Variants in PGLS observed in about 807,000 individuals in gnomAD.
PGLS encodes 6-phosphogluconolactonase, also known as epididymis secretory protein Li 304.
A neutral mutation model predicts 23.2 loss-of-function variants in PGLS; 21 were observed. The observed-to-expected ratio is 0.91, with a 90% CI of 0.64 to 1.31. The LOEUF (loss-of-function observed/expected upper bound fraction) is 1.31. PGLS is among the 50% of genes most tolerant of loss of function. The pLI, the probability that PGLS is intolerant of heterozygous loss-of-function variation, is 0.00. For missense variants in PGLS, 410 were observed against 354.0 expected (o/e 1.16, Z -1.27); for synonymous variants, 179 against 165.4 (o/e 1.08, Z -0.63).
chr19:17,515,996 G>C (rs1377256326), intron 1 of PGLS, 177 bp from the exon 2 acceptor site: 4 of 537,718 alleles, frequency 7.4e-6, no homozygotes, highest in African/African-American at 1.9e-5. Flanking sequence ...TTCCAGAGGT[G>C]ACTCACCAAC....
intron 4 of PGLS, chr19:17,520,430 C>T: frequency 6.6e-6 from 1 of 151,864 alleles, no homozygotes. Context: ...CCTGTAATCC[C>T]AGCTACTTGG....
chr19:17,518,047 G>A (rs919495272), intron 4 of PGLS, among the ~76,000 whole-genome samples, 197 bp downstream of exon 4: 3 of 148,518 alleles, frequency 2.0e-5, no homozygotes, highest in African/African-American at 7.4e-5. Flanking sequence ...TGCAATTAAA[G>A]GCTAGTTAGG....
chr19:17,517,632 A>C, intron 3 of PGLS, 78 bp from the exon 4 acceptor site: 1 of 1,498,770 alleles, frequency 6.7e-7, no homozygotes, highest in Admixed American at 1.7e-5. Context: ...TGGCTGGACC[A>C]GGCCTGGTGT....
intron 4 of PGLS, 22 bp from the exon 5 acceptor site, chr19:17,520,922 A>T (rs1009477894): frequency 2.5e-6 from 4 of 1,571,472 alleles, no homozygotes; most frequent in Non-Finnish European, 2.6e-6. Context: ...GCAGGGCCTT[A>T]CTCTTCTGCC....
chr19:17,516,040 C>G (rs1347973719), intron 1 of PGLS, 133 bp from the exon 2 acceptor site: 1 of 666,828 alleles, frequency 1.5e-6, no homozygotes, highest in Non-Finnish European at 2.7e-6. Flanking sequence ...GGACCTTGCA[C>G]AAATGCACCA....
chr19:17,520,929 TG>T lies in PGLS; in HGVS notation c.640-14del. On this transcript the variant is annotated splice_polypyrimidine_tract_variant and intron_variant, in intron 4 of 4. Coordinates refer to ENST00000252603, the MANE Select transcript of PGLS (RefSeq NM_012088.3). Reference sequence around the variant, plus strand: ...GGCCGCAGGCAGGGCCTTACTCTTCTGCCCTCTTCTTCAGCGCATTTTGGAG... The same window carrying T: ...GGCCGCAGGCAGGGCCTTACTCTTCTCCCTCTTCTTCAGCGCATTTTGGAG... 6.3e-7 allele frequency: 1 copy of T among 1,584,470 alleles called. No individual in the cohort carries two copies. Among genetic ancestry groups the T allele is most frequent in the Non-Finnish European group, 8.6e-7 (1 of 1,164,470 alleles).
intron 4 of PGLS, among the ~76,000 whole-genome samples, 159 bp downstream of exon 4, chr19:17,518,009 G>GAAAAAAAAAAAAAAAAAAAAAAAAAAAAA (rs67260410): frequency 7.3e-6 from 1 of 136,154 alleles, no homozygotes. Flanking sequence ...AGAAAAAAAG[G>GAAAAAAAAAAAAAAAAAAAAAAAAAAAAA]AAAAAAAAAA....
chr19:17,513,526 A>AAAAT (rs1467611224), intron 1 of PGLS, among the ~76,000 whole-genome samples: 5 of 145,988 alleles, frequency 3.4e-5, no homozygotes, highest in Non-Finnish European at 7.5e-5. Context: ...AAAAAAAAAA[A>AAAAT]GCAGGTTTTT....
At position 17,511,688 on chromosome 19, in the gene PGLS, C is replaced by T. The variant is rs1599686364; in HGVS notation, c.16C>T (p.Pro6Ser). MAAPA[P>S]GLISVFSSSQ... is the part of the protein sequence containing the mutation. ...CGCCCTCGCCATGGCCGCGCCGGCC[C>T]CGGGCCTCATCTCGGTGTTCTCGAG... The change falls in exon 1 of 5, where the codon CCG becomes TCG. Residue 6 changes from proline to serine, a missense_variant. Pro to Ser is a moderately conservative substitution (Grantham distance 74, BLOSUM62 -1). Transcript: ENST00000252603. 6.7e-7 allele frequency: 1 copy of T among 1,503,394 alleles called. No individual in the cohort carries two copies. Among genetic ancestry groups the T allele is most frequent in the Non-Finnish European group, 8.8e-7 (1 of 1,133,430 alleles). The allele number at this position is 1,503,394 out of a possible 1,614,324, so 93.1% of individuals were successfully genotyped here.
At chr19:17,516,344 G>C (rs1461674475) in intron 2 of PGLS, 64 bp downstream of exon 2, 3 of 1,558,198 alleles carry the variant, frequency 1.9e-6, no homozygotes, top group African/African-American at 2.7e-5. Flanking sequence ...CCGGGCAACA[G>C]AGCGGCCTTC....
At chr19:17,519,983 GTC>G (rs1281224423) in intron 4 of PGLS, among the ~76,000 whole-genome samples, 5 of 152,046 alleles carry the variant, frequency 3.3e-5, no homozygotes, top group African/African-American at 1.2e-4. Flanking sequence ...GCAAGACCCT[GTC>G]TCTACAAAAA....
chr19:17,521,004 G>A lies in PGLS; in HGVS notation c.700G>A (p.Gly234Arg), dbSNP rs781388754. 26 of 1,600,502 alleles carry A rather than the reference G, an allele frequency of 1.6e-5. No individual in the cohort carries two copies. Among genetic ancestry groups the A allele is most frequent in the African/African-American group, 4.0e-5 (3 of 74,590 alleles). Residue 234 changes from glycine (G) to arginine (R), a missense_variant, in exon 5 of 5, where the codon GGG becomes AGG. Physicochemically the swap from Gly to Arg is moderately radical, Grantham distance 125 (BLOSUM62 -2). Coordinates refer to ENST00000252603, the MANE Select transcript of PGLS (RefSeq NM_012088.3). Reference protein sequence around the residue: ...LPAALVQPHTGKLCWFLDEAA... With the variant: ...LPAALVQPHTRKLCWFLDEAA... The stretch of plus-strand genomic sequence containing the variant: ...CGCCGCCCTGGTCCAGCCCCACACC[G>A]GGAAACTGTGCTGGTTCTTGGACGA...
intron 1 of PGLS, among the ~76,000 whole-genome samples, chr19:17,514,047 G>A (rs2075521869): frequency 6.7e-6 from 1 of 150,254 alleles, no homozygotes; most frequent in Non-Finnish European, 1.5e-5. Context: ...TTCTCTGTGA[G>A]GGGAATCATA....
chr19:17,516,039 A>C, intron 1 of PGLS, 134 bp from the exon 2 acceptor site: 2 of 659,936 alleles, frequency 3.0e-6, no homozygotes, highest in Non-Finnish European at 5.4e-6. Context: ...AGGACCTTGC[A>C]CAAATGCACC....
rs371206761 is a variant in PGLS at position 17,517,864 on chromosome 19, G to A, written c.639+14G>A. ...GCTGTTCTGAAGGTAACAGCTGAGG[G>A]TTCTAGTCCTGGGAAGTTCATGGGC... On this transcript the variant is annotated intron_variant, in intron 4 of 4. Coordinates refer to ENST00000252603, the MANE Select transcript of PGLS (RefSeq NM_012088.3). 1 of 1,613,722 alleles carries A rather than the reference G, an allele frequency of 6.2e-7. No homozygotes were observed. The highest frequency in any genetic ancestry group is 2.2e-5 in the East Asian group (1 of 44,872).
rs747239866 is a variant in PGLS, at chr19:17,521,129, G to A, written c.*48G>A. 244 of 1,490,854 alleles carry A rather than the reference G, an allele frequency of 1.6e-4. No individual in the cohort carries two copies. The highest frequency in any genetic ancestry group is 2.2e-4 in the Non-Finnish European group (240 of 1,113,780). 92.4% of individuals were successfully genotyped at this position (1,490,854 alleles called of 1,614,324 possible). Reference sequence around the variant, plus strand: ...TGGGACCAGGCACGCGGCCCATGGGGCTGGGCCCCTGCTGGCCGCCACTCT... The same window carrying A: ...TGGGACCAGGCACGCGGCCCATGGGACTGGGCCCCTGCTGGCCGCCACTCT... On this transcript the variant is annotated 3_prime_UTR_variant, in exon 5 of 5. Transcript: ENST00000252603.
chr19:17,519,185 G>A lies in PGLS; in HGVS notation c.639+1335G>A, dbSNP rs572392949. 2.0e-5 allele frequency among the ~76,000 whole-genome samples: 3 copies of A among 151,446 alleles called. No individual in the cohort carries two copies. The South Asian group carries it at 6.3e-4, about 32-fold the overall frequency. On this transcript the variant is annotated intron_variant, in intron 4 of 4. Coordinates refer to ENST00000252603, the MANE Select transcript of PGLS (RefSeq NM_012088.3). ...AAAAATTAGCCAGGCGTGGTGGCGT[G>A]CGCCTGTAGTCCCAGCTACTCAGGA...
intron 4 of PGLS, among the ~76,000 whole-genome samples, chr19:17,519,296 A>G (rs1189988912): frequency 2.1e-5 from 3 of 144,272 alleles, no homozygotes; most frequent in East Asian, 4.0e-4. Flanking sequence ...CCTGGGCGAC[A>G]AGAACGAAAC....
chr19:17,519,276 T>C (rs2075546838), intron 4 of PGLS, among the ~76,000 whole-genome samples: 1 of 147,274 alleles, frequency 6.8e-6, no homozygotes, highest in Non-Finnish European at 1.5e-5. Flanking sequence ...ATCATGCCAT[T>C]GCACTCCAGC....
Sources: allele counts gnomAD v4.1 joint callset (sites outside exome capture counted in the v4.1 genomes callset), GRCh38; gene constraint gnomAD v4.1.1; transcripts MANE v1.5; gene names NCBI Gene and HGNC (gene_info 2026-07-23, HGNC 2026-07-21).